TRAPPC8: variants seen among roughly 807,000 people sequenced by gnomAD.
TRAPPC8 encodes the protein general sporulation gene 1 homolog.
TRAPPC8 carries 54 observed loss-of-function variants against 174.3 expected under a neutral mutation model. The ratio of observed to expected loss-of-function variants is 0.31; its 90% CI spans 0.25 to 0.39. TRAPPC8 has a LOEUF of 0.39. Among genes scored for constraint, TRAPPC8 ranks in the 10% least tolerant of loss-of-function variants. The probability of loss-of-function intolerance (pLI) is 1.00; values close to 1 mark genes in which losing one functional copy is unlikely to be tolerated. For missense variants in TRAPPC8, 1,531 were observed against 1,699.1 expected (o/e 0.90, Z 1.74); for synonymous variants, 630 against 579.9 (o/e 1.09, Z -1.24).
intron 2 of TRAPPC8, among the ~76,000 whole-genome samples, chr18:31,919,201 G>A (rs2037270411): frequency 6.6e-6 from 1 of 152,116 alleles, no homozygotes; most frequent in Non-Finnish European, 1.5e-5. Context: ...TTATAAAAGA[G>A]GAAATGGGCA....
intron 19 of TRAPPC8, among the ~76,000 whole-genome samples, chr18:31,858,296 T>C (rs1277212030): frequency 6.6e-6 from 1 of 152,206 alleles, no homozygotes; most frequent in Non-Finnish European, 1.5e-5. Flanking sequence ...TTGAAAGTAA[T>C]TTAACACGGC....
intron 27 of TRAPPC8, among the ~76,000 whole-genome samples, chr18:31,832,961 A>G (rs1327159302): frequency 6.6e-6 from 1 of 152,194 alleles, no homozygotes; most frequent in Non-Finnish European, 1.5e-5. Flanking sequence ...AATATATTTT[A>G]TACTTTCAGA....
At chr18:31,906,901 TGAGA>T (rs2036684378) in intron 9 of TRAPPC8, among the ~76,000 whole-genome samples, 2 of 152,162 alleles carry the variant, frequency 1.3e-5, no homozygotes, top group South Asian at 4.1e-4. Flanking sequence ...TTGCCTAAGA[TGAGA>T]GAGTGTCTCA....
intron 11 of TRAPPC8, chr18:31,891,254 A>C (rs1358328011): frequency 6.6e-6 from 1 of 152,568 alleles, no homozygotes; most frequent in Non-Finnish European, 1.5e-5. Flanking sequence ...ATTTCCTCTG[A>C]AAATTGACTT....
chr18:31,933,549 A>G (rs1378182880), intron 1 of TRAPPC8, among the ~76,000 whole-genome samples: 1 of 152,178 alleles, frequency 6.6e-6, no homozygotes, highest in African/African-American at 2.4e-5. Flanking sequence ...TCAACAATAC[A>G]TAATGAAGGC....
chr18:31,897,329 T>C (rs1003566848), intron 11 of TRAPPC8, among the ~76,000 whole-genome samples: 2 of 152,200 alleles, frequency 1.3e-5, no homozygotes. Flanking sequence ...TTAAGATGAT[T>C]TTCTTAAAAA....
At chr18:31,837,690 T>C (rs1270993620) in intron 27 of TRAPPC8, among the ~76,000 whole-genome samples, 3 of 151,786 alleles carry the variant, frequency 2.0e-5, no homozygotes, top group African/African-American at 7.3e-5. Flanking sequence ...AGTGTGTGAC[T>C]CTGTCTCAGA....
chr18:31,882,263 T>A (rs1468828187), intron 12 of TRAPPC8, among the ~76,000 whole-genome samples: 1 of 152,118 alleles, frequency 6.6e-6, no homozygotes, highest in Admixed American at 6.5e-5. Flanking sequence ...CCATGGAATA[T>A]GACACGGCCA....
intron 2 of TRAPPC8, among the ~76,000 whole-genome samples, chr18:31,921,063 C>T (rs1876648448): frequency 6.6e-6 from 1 of 151,074 alleles, no homozygotes; most frequent in Admixed American, 6.6e-5. Context: ...GATACATTAG[C>T]AGCTGTAAAA....
chr18:31,916,213 T>A, intron 4 of TRAPPC8, 59 bp downstream of exon 4: 3 of 1,272,198 alleles, frequency 2.4e-6, no homozygotes, highest in Non-Finnish European at 3.1e-6. Context: ...ACAAGCTATC[T>A]CCAAATTAAT....
chr18:31,846,024 G>A (rs1291284621), intron 26 of TRAPPC8, among the ~76,000 whole-genome samples: 3 of 151,924 alleles, frequency 2.0e-5, no homozygotes, highest in African/African-American at 7.3e-5. Flanking sequence ...ATATACCCTC[G>A]GAGCTCTGCA....
At chr18:31,913,664 T>G in intron 4 of TRAPPC8, 142 bp from the exon 5 acceptor site, 1 of 642,760 alleles carries the variant, frequency 1.6e-6, no homozygotes. Flanking sequence ...AAAGAGGACA[T>G]AAGAATTATC....
At chr18:31,929,649 G>A (rs2037768206) in intron 2 of TRAPPC8, among the ~76,000 whole-genome samples, 1 of 152,042 alleles carries the variant, frequency 6.6e-6, no homozygotes, top group African/African-American at 2.4e-5. Flanking sequence ...CTGGTTGACA[G>A]AGTGAGACCC....
intron 6 of TRAPPC8, among the ~76,000 whole-genome samples, chr18:31,909,310 C>T (rs1275315341): frequency 6.6e-6 from 1 of 151,212 alleles, no homozygotes; most frequent in African/African-American, 2.4e-5. Context: ...ACAACTAAGC[C>T]GTAAGAAAAA....
intron 27 of TRAPPC8, among the ~76,000 whole-genome samples, chr18:31,836,166 T>C (rs747239515): frequency 2.0e-5 from 3 of 152,224 alleles, no homozygotes; most frequent in South Asian, 2.1e-4. Context: ...GAGATGCCGG[T>C]ACCCTGCTTC....
chr18:31,875,339 TATA>T (rs1355756710), intron 12 of TRAPPC8, among the ~76,000 whole-genome samples: 2 of 149,124 alleles, frequency 1.3e-5, no homozygotes, highest in Non-Finnish European at 1.5e-5. Context: ...TAGTAGTATA[TATA>T]ATAATATATA....
intron 19 of TRAPPC8, among the ~76,000 whole-genome samples, chr18:31,864,018 A>G (rs936704358): frequency 6.8e-6 from 1 of 147,932 alleles, no homozygotes; most frequent in Non-Finnish European, 1.5e-5. Flanking sequence ...ATAATATGTT[A>G]TTATAATATG....
chr18:31,938,988 G>C (rs1380438007), intron 1 of TRAPPC8, among the ~76,000 whole-genome samples: 1 of 148,048 alleles, frequency 6.8e-6, no homozygotes, highest in Non-Finnish European at 1.5e-5. Context: ...GCTGAGGCAG[G>C]AGAATCACTT....
chr18:31,874,378 C>T, intron 13 of TRAPPC8, 102 bp downstream of exon 13: 2 of 1,247,370 alleles, frequency 1.6e-6, no homozygotes, highest in African/African-American at 1.5e-5. Context: ...CTGATAACTA[C>T]ATATATTCTA....
Sources: gnomAD v4.1 joint callset for allele counts (sites outside exome capture counted in the v4.1 genomes callset) on GRCh38, gnomAD v4.1.1 for gene constraint, MANE v1.5 for transcripts, NCBI Gene and HGNC (gene_info 2026-07-23, HGNC 2026-07-21) for gene names.